Variants in SLC24A3 observed in about 807,000 individuals in gnomAD.
The protein encoded by SLC24A3 is sodium/potassium/calcium exchanger 3.
In SLC24A3, 28 loss-of-function variants were observed where a neutral mutation model predicts 75.8. The observed-to-expected ratio is 0.37, with a 90% CI of 0.27 to 0.51. SLC24A3 has a LOEUF of 0.51. Among genes scored for constraint, SLC24A3 ranks in the 20% least tolerant of loss-of-function variants. The pLI is 0.94. For missense variants in SLC24A3, 663 were observed against 847.8 expected (o/e 0.78, Z 2.71); for synonymous variants, 372 against 334.1 (o/e 1.11, Z -1.24).
chr20:19,257,967 A>G (rs1982865874), intron 1 of SLC24A3, among the ~76,000 whole-genome samples: 2 of 152,238 alleles, frequency 1.3e-5, no homozygotes, highest in African/African-American at 4.8e-5. Flanking sequence ...CTGGAACTAC[A>G]GGCACACGCA....
At chr20:19,281,699 G>A (rs62201149) in intron 2 of SLC24A3, among the ~76,000 whole-genome samples, 2,987 of 152,216 alleles carry the variant, frequency 0.02, 50 homozygotes, top group Non-Finnish European at 0.027. Context: ...CCTCAGGGAC[G>A]TGACAGGCAT....
chr20:19,414,768 A>G (rs1319416318), intron 2 of SLC24A3, among the ~76,000 whole-genome samples: 1 of 152,210 alleles, frequency 6.6e-6, no homozygotes, highest in Non-Finnish European at 1.5e-5. Flanking sequence ...GTCAAGATCA[A>G]TGACCTCATG....
At chr20:19,557,831 C>T (rs2030814407) in intron 3 of SLC24A3, among the ~76,000 whole-genome samples, 1 of 152,016 alleles carries the variant, frequency 6.6e-6, no homozygotes, top group South Asian at 2.1e-4. Flanking sequence ...TCATTTTTCT[C>T]AAAGGCAAGT....
chr20:19,547,303 T>C (rs1175988334), intron 3 of SLC24A3, among the ~76,000 whole-genome samples: 4 of 152,180 alleles, frequency 2.6e-5, no homozygotes, highest in African/African-American at 4.8e-5. Flanking sequence ...TGCTGTATGA[T>C]TTTAGTGATA....
Position 19,665,799 on chromosome 20 carries a change from G to A in SLC24A3, c.688-65G>A, listed in dbSNP as rs1306651957. The A allele has an allele frequency of 4.0e-5, 41 of 1,016,998 alleles. No individual in the cohort carries two copies. In the African/African-American group the frequency reaches 5.6e-4, roughly 14 times the overall value. The allele number at this position is 1,016,998 out of a possible 1,614,324, so 63.0% of individuals were successfully genotyped here. A position where few individuals can be genotyped will look rare whatever the true frequency, so the allele number is the denominator to read the frequency against. ...CTGCGTGCAGCCTTAAAGCGTGTGT[G>A]TGTGTGTGTGTGTGTGTGTGTGTGT... On this transcript the variant is annotated intron_variant, in intron 7 of 16. Coordinates refer to ENST00000328041, the MANE Select transcript of SLC24A3 (RefSeq NM_020689.4).
chr20:19,221,971 A>G (rs558058172), intron 1 of SLC24A3, among the ~76,000 whole-genome samples: 10 of 151,936 alleles, frequency 6.6e-5, no homozygotes, highest in South Asian at 2.1e-4. Context: ...TGGATTGTCT[A>G]TTATTTGGGT....
rs963800420 is a variant in SLC24A3, at chr20:19,721,296, C to T, written c.*156C>T. On this transcript the variant is annotated 3_prime_UTR_variant, in exon 17 of 17. Coordinates refer to ENST00000328041, the MANE Select transcript of SLC24A3 (RefSeq NM_020689.4). ...CTGTTTTGGTGGCCCAGGCTCTCCC[C>T]TGACCCATCCTCGCTCCCCCACCTC... 22 of 912,178 alleles carry T rather than the reference C, an allele frequency of 2.4e-5. No homozygotes were observed. The African/African-American group carries it at 3.5e-4, about 15-fold the overall frequency. 56.5% of individuals were successfully genotyped at this position (912,178 alleles called of 1,614,324 possible). A position where few individuals can be genotyped will look rare whatever the true frequency, so the allele number is the denominator to read the frequency against.
At chr20:19,684,155 T>TA in intron 10 of SLC24A3, 21 bp from the exon 11 acceptor site, 1 of 1,609,952 alleles carries the variant, frequency 6.2e-7, no homozygotes, top group Non-Finnish European at 8.5e-7. Context: ...TTATTTTACC[T>TA]TATGTTTTTC....
chr20:19,212,765 C>T lies in SLC24A3; in HGVS notation c.-78C>T, dbSNP rs1981436971. The T allele has an allele frequency of 1.1e-5, 11 of 970,232 alleles. No individual in the cohort carries two copies. The highest frequency in any genetic ancestry group is 1.3e-5 in the Non-Finnish European group (11 of 819,128). The allele number at this position is 970,232 out of a possible 1,614,324, so 60.1% of individuals were successfully genotyped here. A position where few individuals can be genotyped will look rare whatever the true frequency, so the allele number is the denominator to read the frequency against. ...GCGGCTGCTGCGCGCAGGGCTGCCT[C>T]CTGCCGCTGTCCCCGCCGCGGCCGC... On this transcript the variant is annotated 5_prime_UTR_variant, in exon 1 of 17. Coordinates refer to ENST00000328041, the MANE Select transcript of SLC24A3 (RefSeq NM_020689.4).
intron 2 of SLC24A3, among the ~76,000 whole-genome samples, chr20:19,289,361 A>G (rs1317333007): frequency 6.6e-6 from 1 of 152,202 alleles, no homozygotes; most frequent in Non-Finnish European, 1.5e-5. Flanking sequence ...CCACATGTCT[A>G]GTACTCATTC....
At chr20:19,381,952 T>G (rs181566317) in intron 2 of SLC24A3, among the ~76,000 whole-genome samples, 55 of 152,274 alleles carry the variant, frequency 3.6e-4, no homozygotes, top group Admixed American at 3.3e-3. Flanking sequence ...AAGTAGCAAC[T>G]GAAGGAAATA....
At chr20:19,525,610 G>A (rs1456659151) in intron 3 of SLC24A3, among the ~76,000 whole-genome samples, 11 of 152,126 alleles carry the variant, frequency 7.2e-5, no homozygotes, top group Admixed American at 6.5e-4. Context: ...GCTGCTTGGG[G>A]GTCCCAAACT....
chr20:19,430,994 C>T (rs1009025615), intron 2 of SLC24A3, among the ~76,000 whole-genome samples: 7 of 152,272 alleles, frequency 4.6e-5, no homozygotes, highest in Middle Eastern at 3.4e-3. Context: ...TGCCTGCCCT[C>T]AGGACCCCAG....
At position 19,663,592 on chromosome 20, in the gene SLC24A3, C is replaced by T. The variant is rs1488237411; in HGVS notation, c.688-2272C>T. On this transcript the variant is annotated intron_variant, in intron 7 of 16. Coordinates refer to ENST00000328041, the MANE Select transcript of SLC24A3 (RefSeq NM_020689.4). The stretch of plus-strand genomic sequence containing the variant: ...ATCAGTTATTTGCATGTTTCCGGAT[C>T]TCCTCCATTAGTTAGTACTTGTAGT... 3.3e-5 allele frequency among the ~76,000 whole-genome samples: 5 copies of T among 150,762 alleles called. No individual in the cohort carries two copies. The East Asian group carries it at 7.9e-4, about 24-fold the overall frequency.
intron 2 of SLC24A3, among the ~76,000 whole-genome samples, chr20:19,327,662 C>T (rs1035536465): frequency 5.3e-5 from 8 of 152,214 alleles, no homozygotes; most frequent in African/African-American, 1.9e-4. Flanking sequence ...ATGTTACTGA[C>T]GTGAGCTTGT....
At chr20:19,626,859 C>T (rs1600309028) in intron 6 of SLC24A3, among the ~76,000 whole-genome samples, 1 of 152,224 alleles carries the variant, frequency 6.6e-6, no homozygotes, top group Non-Finnish European at 1.5e-5. Flanking sequence ...GATCATTCCT[C>T]ATCCCTTGCA....
chr20:19,683,110 T>C (rs774367485), intron 10 of SLC24A3, among the ~76,000 whole-genome samples: 4 of 152,226 alleles, frequency 2.6e-5, no homozygotes, highest in Non-Finnish European at 5.9e-5. Context: ...CTGACATCAC[T>C]GCATCATTAG....
chr20:19,412,055 A>G (rs1482486854), intron 2 of SLC24A3, among the ~76,000 whole-genome samples: 1 of 152,132 alleles, frequency 6.6e-6, no homozygotes, highest in African/African-American at 2.4e-5. Flanking sequence ...AAGCTAGGAA[A>G]ACCTCTTGAA....
chr20:19,412,379 G>A (rs1247864360), intron 2 of SLC24A3, among the ~76,000 whole-genome samples: 2 of 152,092 alleles, frequency 1.3e-5, no homozygotes, highest in African/African-American at 4.8e-5. Context: ...TCCCCTGTGA[G>A]CGAAATGCCA....
Sources: allele counts gnomAD v4.1 joint callset (sites outside exome capture counted in the v4.1 genomes callset), GRCh38; gene constraint gnomAD v4.1.1; transcripts MANE v1.5; gene names NCBI Gene and HGNC (gene_info 2026-07-23, HGNC 2026-07-21).